ERBB4: variants seen among roughly 807,000 people sequenced by gnomAD.
ERBB4 encodes erb-b2 receptor tyrosine kinase 4.
A neutral mutation model predicts 158.0 loss-of-function variants in ERBB4; 42 were observed. That is an observed-to-expected ratio of 0.27 (90% confidence interval 0.21 to 0.34). The LOEUF (loss-of-function observed/expected upper bound fraction) is 0.34, where lower values mean the gene tolerates loss of function less well. ERBB4 is among the 10% of genes least tolerant of loss of function. The probability of loss-of-function intolerance (pLI) is 1.00; values close to 1 mark genes in which losing one functional copy is unlikely to be tolerated. For missense variants in ERBB4, 1,333 were observed against 1,624.1 expected, an observed-to-expected ratio of 0.82 and a Z score of 3.08; for synonymous variants, 583 against 558.7, an observed-to-expected ratio of 1.04 and a Z score of -0.61.
At chr2:212,184,641 C>T (rs1156885290) in intron 1 of ERBB4, among the ~76,000 whole-genome samples, 1 of 144,570 alleles carries the variant, frequency 6.9e-6, no homozygotes, top group African/African-American at 2.5e-5. Flanking sequence ...TCTTTGTGTT[C>T]GTTTGTTTTT....
intron 4 of ERBB4, among the ~76,000 whole-genome samples, chr2:211,772,944 TATATATA>T (rs1374217315): frequency 1.1e-5 from 1 of 88,998 alleles, no homozygotes; most frequent in Non-Finnish European, 2.0e-5. Context: ...TATATATATA[TATATATA>T]TATATTTTTT....
intron 1 of ERBB4, among the ~76,000 whole-genome samples, chr2:212,331,257 A>C (rs927165944): frequency 1.3e-5 from 2 of 151,124 alleles, no homozygotes; most frequent in East Asian, 2.0e-4. Flanking sequence ...AACTAATAGA[A>C]ATAAGTCATT....
At chr2:212,104,372 A>T (rs113644599) in intron 2 of ERBB4, among the ~76,000 whole-genome samples, 11 of 152,260 alleles carry the variant, frequency 7.2e-5, no homozygotes, top group African/African-American at 2.4e-4. Flanking sequence ...AATAAGCAAT[A>T]CAGTTTATCT....
intron 1 of ERBB4, among the ~76,000 whole-genome samples, chr2:212,479,965 G>A (rs1185471246): frequency 1.3e-5 from 2 of 150,768 alleles, no homozygotes; most frequent in Admixed American, 6.6e-5. Context: ...ACTTTTTTCT[G>A]TTATGTTGAC....
chr2:211,497,598 C>T (rs967013593), intron 20 of ERBB4, among the ~76,000 whole-genome samples: 15 of 152,070 alleles, frequency 9.9e-5, no homozygotes, highest in Non-Finnish European at 2.1e-4. Context: ...TCTAAGAGAA[C>T]AGTACCACAC....
intron 1 of ERBB4, among the ~76,000 whole-genome samples, chr2:212,403,637 A>C (rs2091269176): frequency 6.6e-6 from 1 of 152,076 alleles, no homozygotes; most frequent in Non-Finnish European, 1.5e-5. Flanking sequence ...TCATAGAAAA[A>C]CAAATACTGC....
intron 1 of ERBB4, among the ~76,000 whole-genome samples, chr2:212,133,396 G>GTTTTTTTTTTTTTTTTTTTTTT (rs575131971): frequency 7.3e-6 from 1 of 137,138 alleles, no homozygotes; most frequent in African/African-American, 3.0e-5. Flanking sequence ...TCATTTTGGT[G>GTTTTTTTTTTTTTTTTTTTTTT]TTTTTTTTTT....
chr2:212,323,875 T>C (rs908758216), intron 1 of ERBB4, among the ~76,000 whole-genome samples: 1 of 150,418 alleles, frequency 6.6e-6, no homozygotes, highest in Non-Finnish European at 1.5e-5. Flanking sequence ...GGCACCTCTT[T>C]ATTGACTGAC....
intron 1 of ERBB4, among the ~76,000 whole-genome samples, chr2:212,402,421 C>T (rs2106465951): frequency 6.6e-6 from 1 of 152,096 alleles, no homozygotes; most frequent in African/African-American, 2.4e-5. Context: ...TTTCAGTATC[C>T]TGACGGTGGT....
intron 19 of ERBB4, among the ~76,000 whole-genome samples, chr2:211,566,510 C>T (rs1037197935): frequency 6.6e-6 from 1 of 152,162 alleles, no homozygotes; most frequent in Non-Finnish European, 1.5e-5. Flanking sequence ...TTTGCTTTCA[C>T]TTCTTGTGTA....
chr2:212,108,728 T>TTTC (rs869049220), intron 2 of ERBB4, among the ~76,000 whole-genome samples: 2 of 150,208 alleles, frequency 1.3e-5, no homozygotes, highest in African/African-American at 4.9e-5. Context: ...TTTTTTTTTT[T>TTTC]CAGAACCAAA....
At chr2:211,466,762 T>C (rs2064701301) in intron 20 of ERBB4, among the ~76,000 whole-genome samples, 1 of 152,166 alleles carries the variant, frequency 6.6e-6, no homozygotes, top group Non-Finnish European at 1.5e-5. Context: ...CAAATGAGGA[T>C]ATTCTTATTA....
intron 3 of ERBB4, among the ~76,000 whole-genome samples, chr2:211,801,974 T>C (rs1028146217): frequency 2.0e-5 from 3 of 152,110 alleles, no homozygotes; most frequent in Non-Finnish European, 4.4e-5. Flanking sequence ...AAAACTGGAA[T>C]ACAGGCCGGG....
chr2:211,670,657 T>C (rs1353411215), intron 14 of ERBB4, among the ~76,000 whole-genome samples: 2 of 152,136 alleles, frequency 1.3e-5, no homozygotes, highest in Non-Finnish European at 2.9e-5. Context: ...TTCATTTAAG[T>C]ACATTGAGCA....
At chr2:212,053,823 T>A (rs1007227909) in intron 2 of ERBB4, among the ~76,000 whole-genome samples, 4 of 152,196 alleles carry the variant, frequency 2.6e-5, no homozygotes, top group Non-Finnish European at 4.4e-5. Context: ...GTTTCTATTA[T>A]CAATTCTTCC....
intron 20 of ERBB4, among the ~76,000 whole-genome samples, chr2:211,538,837 G>C (rs1027617883): frequency 2.6e-5 from 4 of 151,860 alleles, no homozygotes; most frequent in African/African-American, 9.7e-5. Context: ...ATATGTGTAT[G>C]TTGTGGGACA....
intron 3 of ERBB4, among the ~76,000 whole-genome samples, chr2:211,910,739 C>T (rs745489934): frequency 3.3e-5 from 5 of 151,864 alleles, no homozygotes; most frequent in Non-Finnish European, 5.9e-5. Flanking sequence ...TTTAAAAAAC[C>T]GTTATATTCA....
At chr2:211,588,032 G>A (rs752095561) in intron 19 of ERBB4, among the ~76,000 whole-genome samples, 4 of 152,150 alleles carry the variant, frequency 2.6e-5, no homozygotes, top group Non-Finnish European at 4.4e-5. Flanking sequence ...GCTGTTTGAA[G>A]AATGTGACCG....
rs552416568 is a variant in ERBB4, at chr2:212,101,037, T to C, written c.234+23715A>G. Among the ~76,000 whole-genome samples the C allele has an allele frequency of 3.3e-5, 5 of 152,116 alleles. No homozygotes were observed. In the South Asian group the frequency reaches 1.0e-3, roughly 31 times the overall value. ...TGGGATAGTCAATTTTTAATGGCTT[T>C]ATTTATTTAGATTTGGTTATAGGCA... On this transcript the variant is annotated intron_variant, in intron 2 of 27. Transcript: ENST00000342788.
Sources: gnomAD v4.1 joint callset for allele counts (sites outside exome capture counted in the v4.1 genomes callset) on GRCh38, gnomAD v4.1.1 for gene constraint, MANE v1.5 for transcripts, NCBI Gene and HGNC (gene_info 2026-07-23, HGNC 2026-07-21) for gene names.